TAF4B: variants seen among roughly 807,000 people sequenced by gnomAD.
TAF4B encodes the protein TATA-box binding protein associated factor 4b, also known as transcription initiation factor TFIID subunit 4B.
TAF4B carries 38 observed loss-of-function variants against 86.4 expected under a neutral mutation model. The observed-to-expected ratio is 0.44, with a 90% CI of 0.34 to 0.58. The LOEUF is 0.58. Among genes scored for constraint, TAF4B ranks in the 20% least tolerant of loss-of-function variants. The pLI is 0.02. For synonymous variants in TAF4B, 388 were observed against 391.2 expected (o/e 0.99, Z 0.10); for missense variants, 988 against 1,027.6 (o/e 0.96, Z 0.53).
chr18:26,365,636 G>A (rs1044674666), intron 14 of TAF4B, among the ~76,000 whole-genome samples: 2 of 152,188 alleles, frequency 1.3e-5, no homozygotes, highest in African/African-American at 4.8e-5. Context: ...TGGTAGTAGC[G>A]ATTTGTGGAC....
At chr18:26,355,630 A>G (rs2144730981) in intron 13 of TAF4B, among the ~76,000 whole-genome samples, 1 of 152,366 alleles carries the variant, frequency 6.6e-6, no homozygotes, top group East Asian at 1.9e-4. Flanking sequence ...TATAATTTGC[A>G]GAATGGGAGA....
intron 9 of TAF4B, among the ~76,000 whole-genome samples, chr18:26,311,892 C>T (rs1299820101): frequency 2.6e-5 from 4 of 152,078 alleles, no homozygotes; most frequent in African/African-American, 9.7e-5. Flanking sequence ...TAGAAGAAGA[C>T]ATTGTAAGAA....
chr18:26,334,363 C>T (rs998861316), intron 12 of TAF4B, among the ~76,000 whole-genome samples: 5 of 151,960 alleles, frequency 3.3e-5, no homozygotes, highest in Admixed American at 2.6e-4. Context: ...CCTTAGTTAA[C>T]GAAGGTTTCA....
chr18:26,246,071 A>G (rs1476742040), intron 1 of TAF4B, among the ~76,000 whole-genome samples: 1 of 152,234 alleles, frequency 6.6e-6, no homozygotes, highest in East Asian at 1.9e-4. Flanking sequence ...CTCCCCAAAA[A>G]TTGTTTAAAT....
intron 1 of TAF4B, 131 bp from the exon 2 acceptor site, chr18:26,265,039 G>A (rs924950664): frequency 9.4e-6 from 8 of 847,344 alleles, no homozygotes; most frequent in Non-Finnish European, 1.0e-5. Flanking sequence ...TATATAAGTA[G>A]CAGACATGAA....
At chr18:26,246,847 T>G (rs1490641512) in intron 1 of TAF4B, among the ~76,000 whole-genome samples, 1 of 149,876 alleles carries the variant, frequency 6.7e-6, no homozygotes, top group Non-Finnish European at 1.5e-5. Context: ...CTCATTCTTT[T>G]TTTTTTCTTT....
intron 14 of TAF4B, among the ~76,000 whole-genome samples, chr18:26,363,545 A>G (rs144176761): frequency 6.6e-6 from 1 of 152,170 alleles, no homozygotes; most frequent in East Asian, 1.9e-4. Context: ...ACCCTGCCTA[A>G]GAAAAAAATA....
chr18:26,234,636 C>T (rs540445906), intron 1 of TAF4B, among the ~76,000 whole-genome samples: 4 of 152,202 alleles, frequency 2.6e-5, no homozygotes, highest in Admixed American at 1.3e-4. Context: ...GGACTTTCAT[C>T]GATATATAGG....
At chr18:26,284,421 C>T (rs2056485960) in intron 6 of TAF4B, among the ~76,000 whole-genome samples, 1 of 152,164 alleles carries the variant, frequency 6.6e-6, no homozygotes, top group South Asian at 2.1e-4. Flanking sequence ...GGAATTTTTC[C>T]TTTGCATTCA....
intron 14 of TAF4B, among the ~76,000 whole-genome samples, chr18:26,385,668 G>A (rs1440326221): frequency 3.0e-5 from 4 of 133,358 alleles, no homozygotes; most frequent in South Asian, 5.1e-4. Flanking sequence ...ACAGTGAGAA[G>A]AATAAACAGC....
intron 10 of TAF4B, among the ~76,000 whole-genome samples, chr18:26,320,491 G>T (rs1285856529): frequency 6.6e-6 from 1 of 152,144 alleles, no homozygotes; most frequent in African/African-American, 2.4e-5. Context: ...ATAGGTAGGT[G>T]AAACGATGAG....
chr18:26,353,503 G>A (rs1049642070), intron 13 of TAF4B, among the ~76,000 whole-genome samples: 1 of 152,210 alleles, frequency 6.6e-6, no homozygotes, highest in Non-Finnish European at 1.5e-5. Flanking sequence ...GGCCAAGGCC[G>A]GTGGATAGCT....
intron 13 of TAF4B, among the ~76,000 whole-genome samples, chr18:26,345,653 C>T (rs1303491081): frequency 2.0e-5 from 3 of 152,150 alleles, no homozygotes; most frequent in Non-Finnish European, 2.9e-5. Context: ...ACTGACACCC[C>T]AACACCTGTT....
chr18:26,356,539 A>G (rs1248035079), intron 13 of TAF4B, among the ~76,000 whole-genome samples: 1 of 152,098 alleles, frequency 6.6e-6, no homozygotes, highest in African/African-American at 2.4e-5. Context: ...GTGTTAAAAG[A>G]TTTTGGTTAG....
At chr18:26,295,270 G>T in intron 9 of TAF4B, 1 of 342,440 alleles carries the variant, frequency 2.9e-6, no homozygotes. Flanking sequence ...TCTCTTGGTT[G>T]GATGAAGTTC....
At chr18:26,268,334 G>A (rs1031422249) in intron 3 of TAF4B, among the ~76,000 whole-genome samples, 1 of 152,092 alleles carries the variant, frequency 6.6e-6, no homozygotes, top group African/African-American at 2.4e-5. Context: ...TTCGTCTTTG[G>A]GGAAACAAAG....
At chr18:26,298,483 C>T (rs933393402) in intron 9 of TAF4B, among the ~76,000 whole-genome samples, 32 of 152,184 alleles carry the variant, frequency 2.1e-4, no homozygotes, top group African/African-American at 7.2e-4. Context: ...CCGCCCTTCT[C>T]GGCCTCCCAG....
Position 26,334,860 on chromosome 18 carries a change from T to G in TAF4B, c.2260-315T>G, listed in dbSNP as rs1377154420. Reference sequence around the variant, plus strand: ...AACAATTACTCTTTTTTTCTTTTCCTTCATCTGTACCACCAATTTTTTAGT... The same window carrying G: ...AACAATTACTCTTTTTTTCTTTTCCGTCATCTGTACCACCAATTTTTTAGT... On this transcript the variant is annotated intron_variant, in intron 12 of 14. Transcript: ENST00000269142. 2.6e-5 allele frequency among the ~76,000 whole-genome samples: 4 copies of G among 152,206 alleles called. No homozygotes were observed. The East Asian group carries it at 7.7e-4, about 29-fold the overall frequency.
chr18:26,292,668 G>A (rs192105871), intron 8 of TAF4B, among the ~76,000 whole-genome samples: 9 of 152,138 alleles, frequency 5.9e-5, no homozygotes, highest in East Asian at 3.9e-4. Context: ...GATTACAGGC[G>A]TGCACCACCA....
Sources: gnomAD v4.1 joint callset for allele counts (sites outside exome capture counted in the v4.1 genomes callset) on GRCh38, gnomAD v4.1.1 for gene constraint, MANE v1.5 for transcripts, NCBI Gene and HGNC (gene_info 2026-07-23, HGNC 2026-07-21) for gene names.